NPRL3: variants seen among roughly 807,000 people sequenced by gnomAD.
NPRL3 encodes the protein NPR3 like, GATOR1 complex subunit.
In NPRL3, 23 loss-of-function variants were observed where a neutral mutation model predicts 57.2. The observed-to-expected ratio is 0.40, with a 90% CI of 0.29 to 0.57. The LOEUF (loss-of-function observed/expected upper bound fraction) is 0.57. Among genes scored for constraint, NPRL3 ranks in the 20% least tolerant of loss-of-function variants. The pLI is 0.42. For synonymous variants in NPRL3, 333 were observed against 321.1 expected, an observed-to-expected ratio of 1.04 and a Z score of -0.39; for missense variants, 691 against 767.1, an observed-to-expected ratio of 0.90 and a Z score of 1.17.
intron 5 of NPRL3, among the ~76,000 whole-genome samples, chr16:113,597 AGG>A (rs986665095): frequency 2.0e-5 from 3 of 152,188 alleles, no homozygotes; most frequent in Admixed American, 1.3e-4. Flanking sequence ...AAAACACTTG[AGG>A]GAGCAGATAA....
chr16:89,916 C>T lies in NPRL3; in HGVS notation c.1162-14G>A. The T allele has an allele frequency of 6.5e-7, 1 of 1,541,522 alleles. No homozygotes were observed. Among genetic ancestry groups the T allele is most frequent in the Non-Finnish European group, 8.7e-7 (1 of 1,143,502 alleles). ...GATGAGCTGGGTCTGCGGGTGGCAGCAGGTGAGGCTGGTCCCCCTCCCCAC... is the reference window on the plus strand; with the variant it reads ...GATGAGCTGGGTCTGCGGGTGGCAGTAGGTGAGGCTGGTCCCCCTCCCCAC... On this transcript the variant is annotated splice_polypyrimidine_tract_variant and intron_variant, in intron 11 of 13. Transcript: ENST00000611875.
At position 86,712 on chromosome 16, in the gene NPRL3, A is replaced by G; in HGVS notation, c.1703T>C (p.Leu568Pro). Reference sequence around the variant, plus strand: ...TCCGCCCTCCGCCTGGGCTCAGGGGAGCAGAGCCTGGAAGACGGCAATGAC... The same window carrying G: ...TCCGCCCTCCGCCTGGGCTCAGGGGGGCAGAGCCTGGAAGACGGCAATGAC... ...DPVIAVFQAL[L>P]P is the part of the protein sequence containing the mutation. Residue 568 changes from leucine to proline, a missense_variant, in exon 14 of 14, where the codon CTC becomes CCC. Leu to Pro is a moderately conservative substitution (Grantham distance 98, BLOSUM62 -3). Transcript: ENST00000611875. 6.4e-7 allele frequency: 1 copy of G among 1,555,020 alleles called. No homozygotes were observed. Among genetic ancestry groups the G allele is most frequent in the Non-Finnish European group, 8.7e-7 (1 of 1,150,056 alleles).
rs558139788 is a variant in NPRL3 at position 128,558 on chromosome 16, G to A, written c.188+1964C>T. 3.3e-5 allele frequency among the ~76,000 whole-genome samples: 5 copies of A among 152,218 alleles called. No homozygotes were observed. In the South Asian group the frequency reaches 6.2e-4, roughly 19 times the overall value. On this transcript the variant is annotated intron_variant, in intron 3 of 13. Coordinates refer to ENST00000611875, the MANE Select transcript of NPRL3 (RefSeq NM_001077350.3). ...CCGAGGCTGGTGGATCACAAGGTCA[G>A]GAGATCGAGACCGTCCTGGCTAACA...
chr16:102,102 C>G (rs939716973), intron 7 of NPRL3, among the ~76,000 whole-genome samples: 1 of 152,186 alleles, frequency 6.6e-6, no homozygotes, highest in Non-Finnish European at 1.5e-5. Flanking sequence ...AGCCCTGCCC[C>G]AAGAACAGGC....
At chr16:117,558 G>C (rs1289094022) in intron 4 of NPRL3, among the ~76,000 whole-genome samples, 183 bp from the exon 5 acceptor site, 2 of 152,232 alleles carry the variant, frequency 1.3e-5, no homozygotes, top group African/African-American at 4.8e-5. Context: ...TATGACAAGA[G>C]TGGGAAGGTC....
chr16:100,026 C>A (rs907640612), intron 8 of NPRL3, among the ~76,000 whole-genome samples: 1 of 149,130 alleles, frequency 6.7e-6, no homozygotes, highest in African/African-American at 2.5e-5. Context: ...CCCATGAGTG[C>A]TGACTGAAAT....
In NPRL3 at chr16:117,393, T is replaced by C; in HGVS notation, c.319-18A>G. The C allele has an allele frequency of 1.3e-6, 2 of 1,561,274 alleles. No individual in the cohort carries two copies. The highest frequency in any genetic ancestry group is 2.3e-5 in the South Asian group (2 of 87,638). ...TTGGAGATCTGTAAAAGATGCATAA[T>C]TCTAATTAATTGAGACGACTTTCTA... On this transcript the variant is annotated intron_variant, in intron 4 of 13. Transcript: ENST00000611875.
At chr16:127,589 G>A (rs918999666) in intron 3 of NPRL3, among the ~76,000 whole-genome samples, 143 of 151,990 alleles carry the variant, frequency 9.4e-4, no homozygotes, top group African/African-American at 3.4e-3. Flanking sequence ...CATTTAATAT[G>A]GTAGACACTA....
intron 3 of NPRL3, among the ~76,000 whole-genome samples, chr16:120,008 T>C (rs570088239): frequency 3.3e-5 from 5 of 152,166 alleles, no homozygotes; most frequent in Non-Finnish European, 7.3e-5. Context: ...TCTGTCTCCT[T>C]ACTGGCAATG....
At chr16:123,287 C>T (rs1900358076) in intron 3 of NPRL3, among the ~76,000 whole-genome samples, 1 of 152,050 alleles carries the variant, frequency 6.6e-6, no homozygotes, top group Non-Finnish European at 1.5e-5. Flanking sequence ...ATGCCTTGGC[C>T]TCTCAGGTAA....
rs966466989 is a variant in NPRL3 at position 88,375 on chromosome 16, G to A, written c.1544+323C>T. 6.3e-5 allele frequency among the ~76,000 whole-genome samples: 8 copies of A among 127,540 alleles called. No individual in the cohort carries two copies. In the East Asian group the frequency reaches 1.7e-3, roughly 28 times the overall value. The allele number at this position is 127,540 out of a possible 152,430, so 83.7% of individuals were successfully genotyped here. A position where few individuals can be genotyped will look rare whatever the true frequency, so the allele number is the denominator to read the frequency against. ...CGCAGTCCGGCCTGGGTGACAGAGC[G>A]AGACTCCGTCTCAAAAAAAAAAAAA... On this transcript the variant is annotated intron_variant, in intron 13 of 13. Coordinates refer to ENST00000611875, the MANE Select transcript of NPRL3 (RefSeq NM_001077350.3).
intron 9 of NPRL3, among the ~76,000 whole-genome samples, chr16:95,567 A>T (rs887918986): frequency 1.3e-5 from 2 of 151,844 alleles, no homozygotes; most frequent in African/African-American, 4.8e-5. Context: ...ATAAACATGA[A>T]GAATTTTATT....
intron 2 of NPRL3, among the ~76,000 whole-genome samples, chr16:134,763 G>A (rs537619340): frequency 4.5e-4 from 65 of 143,240 alleles, no homozygotes; most frequent in African/African-American, 1.6e-3. Flanking sequence ...GTGCAGTGGC[G>A]CGATCTCGGC....
intron 8 of NPRL3, among the ~76,000 whole-genome samples, chr16:99,172 T>C (rs1035879825): frequency 3.3e-5 from 5 of 152,188 alleles, no homozygotes; most frequent in Admixed American, 2.0e-4. Flanking sequence ...TTAGCTAGGA[T>C]TGAAAGCAAA....
intron 7 of NPRL3, among the ~76,000 whole-genome samples, chr16:103,577 T>C (rs1313328504): frequency 1.3e-5 from 2 of 152,136 alleles, no homozygotes; most frequent in Non-Finnish European, 2.9e-5. Context: ...TGAGGCCTTA[T>C]GACATGTGCT....
In NPRL3 at chr16:98,136, G is replaced by C; in HGVS notation, c.924+9C>G. The stretch of plus-strand genomic sequence containing the variant: ...CACATGCCACCCATCTGGGCCTCCA[G>C]AGCTATACCTGCAGCAAGGCCAGGT... On this transcript the variant is annotated intron_variant, in intron 9 of 13. Transcript: ENST00000611875. The C allele has an allele frequency of 1.9e-6, 3 of 1,612,504 alleles. No homozygotes were observed. Among genetic ancestry groups the C allele is most frequent in the Non-Finnish European group, 1.7e-6 (2 of 1,179,240 alleles).
At chr16:122,559 C>T (rs1281173936) in intron 3 of NPRL3, among the ~76,000 whole-genome samples, 1 of 152,132 alleles carries the variant, frequency 6.6e-6, no homozygotes, top group East Asian at 1.9e-4. Context: ...ATCCTTTTCC[C>T]TCATTTTGAT....
intron 3 of NPRL3, among the ~76,000 whole-genome samples, chr16:121,548 C>T (rs1347163660): frequency 1.3e-5 from 2 of 151,082 alleles, no homozygotes; most frequent in Admixed American, 6.6e-5. Flanking sequence ...TGAACCTGGG[C>T]GGCAGAGGTT....
At chr16:122,673 G>C (rs2141966494) in intron 3 of NPRL3, among the ~76,000 whole-genome samples, 1 of 152,326 alleles carries the variant, frequency 6.6e-6, no homozygotes, top group East Asian at 1.9e-4. Flanking sequence ...CATTTAGGAA[G>C]ATGAACCAGC....
Sources: gnomAD v4.1 joint callset for allele counts (sites outside exome capture counted in the v4.1 genomes callset) on GRCh38, gnomAD v4.1.1 for gene constraint, MANE v1.5 for transcripts, NCBI Gene and HGNC (gene_info 2026-07-23, HGNC 2026-07-21) for gene names.